The following SMARCA2 variants were observed in gnomAD, a reference collection of about 807,000 sequenced individuals.
SMARCA2 encodes SWI/SNF related BAF chromatin remodeling complex subunit ATPase 2, also known as SWI/SNF-related matrix-associated actin-dependent regulator of chromatin subfamily A member 2.
A neutral mutation model predicts 199.8 loss-of-function variants in SMARCA2; 61 were observed. The observed-to-expected ratio is 0.31, with a 90% CI of 0.25 to 0.38. SMARCA2 has a LOEUF of 0.38. SMARCA2 is among the 10% of genes least tolerant of loss of function. The pLI, the probability that SMARCA2 is intolerant of heterozygous loss-of-function variation, is 1.00. For missense variants in SMARCA2, 1,344 were observed against 2,012.2 expected (o/e 0.67, Z 6.35); for synonymous variants, 935 against 732.0 (o/e 1.28, Z -4.48).
intron 14 of SMARCA2, among the ~76,000 whole-genome samples, chr9:2,078,284 C>T (rs944784663): frequency 6.6e-6 from 1 of 151,820 alleles, no homozygotes; most frequent in Admixed American, 6.6e-5. Flanking sequence ...CCAGCCTGGC[C>T]AACATGGTGA....
Position 2,047,504 on chromosome 9 carries a change from A to AG in SMARCA2, c.1046+24dup, listed in dbSNP as rs751871416. 1.4e-6 allele frequency: 2 copies of AG among 1,386,550 alleles called. No individual in the cohort carries two copies. 85.9% of individuals were successfully genotyped at this position (1,386,550 alleles called of 1,614,324 possible). A position where few individuals can be genotyped will look rare whatever the true frequency, so the allele number is the denominator to read the frequency against. On this transcript the variant is annotated intron_variant, in intron 5 of 33. Transcript: ENST00000349721. ...ATACAGGTAACGCACCCCGCCAGCAAGGGGCCCCCTGCGGTGTGCTAGCAC... is the reference window on the plus strand; with the variant it reads ...ATACAGGTAACGCACCCCGCCAGCAAGGGGGCCCCCTGCGGTGTGCTAGCAC...
rs1450397772 is a variant in SMARCA2 at position 2,083,407 on chromosome 9, T to A, written c.2409T>A (p.Ser803=). Residue 803 remains serine (S), a synonymous_variant, in exon 16 of 34, where the codon TCT becomes TCA. Transcript: ENST00000349721. The part of the protein sequence containing the change: ...DKWAPSVVKI[S]YKGTPAMRRS... ...GGGCTCCTTCTGTGGTGAAGATTTC[T>A]TACAAGGTTTGGAATGCTGTATTTA... 1.9e-6 allele frequency: 3 copies of A among 1,604,840 alleles called. No homozygotes were observed. The South Asian group carries it at 3.3e-5, about 18-fold the overall frequency.
intron 9 of SMARCA2, among the ~76,000 whole-genome samples, chr9:2,067,089 T>G (rs960746057): frequency 1.3e-5 from 2 of 152,234 alleles, no homozygotes; most frequent in African/African-American, 4.8e-5. Context: ...CCACCTGGCC[T>G]CTATCTCTTA....
chr9:2,083,811 G>A (rs1821674630), intron 16 of SMARCA2, among the ~76,000 whole-genome samples: 3 of 152,172 alleles, frequency 2.0e-5, no homozygotes, highest in Non-Finnish European at 2.9e-5. Flanking sequence ...TCAGCAGAGC[G>A]GTGGGTTCTC....
intron 32 of SMARCA2, among the ~76,000 whole-genome samples, chr9:2,188,984 C>T (rs1464404309): frequency 6.6e-6 from 1 of 152,212 alleles, no homozygotes; most frequent in Non-Finnish European, 1.5e-5. Context: ...TACAGTCCTT[C>T]TCATGTTGTG....
intron 27 of SMARCA2, among the ~76,000 whole-genome samples, chr9:2,144,641 T>C (rs1824632959): frequency 2.0e-5 from 3 of 152,218 alleles, no homozygotes; most frequent in African/African-American, 7.2e-5. Flanking sequence ...GAGTCTATGA[T>C]CTAGGCTGCT....
intron 1 of SMARCA2, among the ~76,000 whole-genome samples, chr9:2,025,992 C>T (rs184261759): frequency 2.8e-4 from 42 of 152,236 alleles, no homozygotes; most frequent in African/African-American, 9.6e-4. Flanking sequence ...GCTCTGGAGG[C>T]AGCAGGCATC....
intron 27 of SMARCA2, among the ~76,000 whole-genome samples, chr9:2,138,535 C>T (rs1418927976): frequency 6.6e-6 from 1 of 152,160 alleles, no homozygotes; most frequent in African/African-American, 2.4e-5. Flanking sequence ...TTTTAAATAT[C>T]ATCCTCAAAA....
At chr9:2,054,396 A>G (rs1343790723) in intron 5 of SMARCA2, among the ~76,000 whole-genome samples, 4 of 152,244 alleles carry the variant, frequency 2.6e-5, no homozygotes, top group African/African-American at 7.2e-5. Flanking sequence ...GTTAAGTAAC[A>G]TATACCTGTC....
chr9:2,134,189 A>G (rs1340652604), intron 27 of SMARCA2, among the ~76,000 whole-genome samples: 1 of 152,250 alleles, frequency 6.6e-6, no homozygotes, highest in Non-Finnish European at 1.5e-5. Flanking sequence ...GGGTGACAAG[A>G]GAAAGGTAAA....
At chr9:2,179,839 CT>C (rs35443206) in intron 29 of SMARCA2, among the ~76,000 whole-genome samples, 1 of 152,158 alleles carries the variant, frequency 6.6e-6, no homozygotes, top group Non-Finnish European at 1.5e-5. Context: ...AGAGGTCTGA[CT>C]TTTGGGGTGC....
At chr9:2,165,774 C>T (rs1342272464) in intron 28 of SMARCA2, among the ~76,000 whole-genome samples, 1 of 152,162 alleles carries the variant, frequency 6.6e-6, no homozygotes, top group Non-Finnish European at 1.5e-5. Flanking sequence ...AGAGTAGAGT[C>T]TGTGGAGCTA....
rs779014125 is a variant in SMARCA2, at chr9:2,047,493, C to G, written c.1046+9C>G. The stretch of plus-strand genomic sequence containing the variant: ...CAAGAGCGGGAATACAGGTAACGCA[C>G]CCCGCCAGCAAGGGGCCCCCTGCGG... On this transcript the variant is annotated intron_variant, in intron 5 of 33. Coordinates refer to ENST00000349721, the MANE Select transcript of SMARCA2 (RefSeq NM_003070.5). 7.0e-7 allele frequency: 1 copy of G among 1,420,028 alleles called. No homozygotes were observed. The highest frequency in any genetic ancestry group is 2.6e-5 in the Admixed American group (1 of 38,540). The allele number at this position is 1,420,028 out of a possible 1,614,324, so 88.0% of individuals were successfully genotyped here.
At chr9:2,121,121 A>G (rs1823442235) in intron 26 of SMARCA2, among the ~76,000 whole-genome samples, 1 of 152,172 alleles carries the variant, frequency 6.6e-6, no homozygotes, top group African/African-American at 2.4e-5. Flanking sequence ...CCATTATACA[A>G]ATTAGATTAG....
At chr9:2,051,352 C>A (rs1359725421) in intron 5 of SMARCA2, among the ~76,000 whole-genome samples, 1 of 152,116 alleles carries the variant, frequency 6.6e-6, no homozygotes, top group Non-Finnish European at 1.5e-5. Context: ...AATAACTGGG[C>A]TCCTTGGAGA....
intron 27 of SMARCA2, among the ~76,000 whole-genome samples, chr9:2,130,728 C>CAT (rs545039973): frequency 3.3e-5 from 5 of 151,972 alleles, no homozygotes; most frequent in Admixed American, 1.3e-4. Flanking sequence ...TATACACACA[C>CAT]ATATATATAT....
chr9:2,157,013 A>T (rs995549682), intron 27 of SMARCA2, among the ~76,000 whole-genome samples: 1 of 152,100 alleles, frequency 6.6e-6, no homozygotes, highest in Non-Finnish European at 1.5e-5. Flanking sequence ...GCTTGTGGAG[A>T]CAGTAATAAT....
rs908329499 is a variant in SMARCA2 at position 2,097,324 on chromosome 9, G to A, written c.2992-61G>A. Reference sequence around the variant, plus strand: ...TTTGTATAAGAAGCCCAGTGTGAAGGATCTGAAATGTCTGACCAGTTAATA... The same window carrying A: ...TTTGTATAAGAAGCCCAGTGTGAAGAATCTGAAATGTCTGACCAGTTAATA... On this transcript the variant is annotated intron_variant, in intron 20 of 33. Coordinates refer to ENST00000349721, the MANE Select transcript of SMARCA2 (RefSeq NM_003070.5). 104 of 1,074,172 alleles carry A rather than the reference G, an allele frequency of 9.7e-5. 1 individual carries two copies. In the Admixed American group the frequency reaches 1.8e-3, roughly 18 times the overall value. 66.5% of individuals were successfully genotyped at this position (1,074,172 alleles called of 1,614,324 possible).
In SMARCA2 at chr9:2,056,933, G is replaced by A; in HGVS notation, c.1347+88G>A. The A allele has an allele frequency of 8.2e-7, 1 of 1,218,804 alleles. No homozygotes were observed. The highest frequency in any genetic ancestry group is 1.2e-6 in the Non-Finnish European group (1 of 865,548). 75.5% of individuals were successfully genotyped at this position (1,218,804 alleles called of 1,614,324 possible). ...ATGGGGTCAGAATGACTGAAAAATG[G>A]ACCCTTGTGGGTGGTGGGGACATCA... On this transcript the variant is annotated intron_variant, in intron 7 of 33. Coordinates refer to ENST00000349721, the MANE Select transcript of SMARCA2 (RefSeq NM_003070.5). This position sits in a 1 kb window ranked among gnomAD's most constrained non-coding sequence, Gnocchi z 4.0.
Sources: allele counts gnomAD v4.1 joint callset (sites outside exome capture counted in the v4.1 genomes callset), GRCh38; gene constraint gnomAD v4.1.1; non-coding constraint Gnocchi (gnomAD v3.1); transcripts MANE v1.5; gene names NCBI Gene and HGNC (gene_info 2026-07-23, HGNC 2026-07-21).